The following ROR2 variants were observed in gnomAD, a reference collection of about 807,000 sequenced individuals.
ROR2 encodes tyrosine-protein kinase transmembrane receptor ROR2.
A neutral mutation model predicts 74.9 loss-of-function variants in ROR2; 33 were observed. The observed-to-expected ratio is 0.44, with a 90% CI of 0.33 to 0.59. ROR2 has a LOEUF of 0.59. Ranked by LOEUF, ROR2 falls within the 20% of genes least tolerant of loss-of-function variation. The pLI is 0.02. For missense variants in ROR2, 1,216 were observed against 1,313.8 expected (o/e 0.93, Z 1.15); for synonymous variants, 586 against 558.7 (o/e 1.05, Z -0.69).
intron 6 of ROR2, among the ~76,000 whole-genome samples, chr9:91,731,734 G>A (rs1013818640): frequency 6.6e-6 from 1 of 152,128 alleles, no homozygotes; most frequent in Non-Finnish European, 1.5e-5. Flanking sequence ...GGCCAACATG[G>A]TGAAACTCCG....
rs375498169 is a variant in ROR2, at chr9:91,927,312, T to TC, written c.97+22554dup. ...AGCGGCTTTTGGAAGCTCATCCAAA[T>TC]CCCCAAACCATTACACAGGTAAGTG... On this transcript the variant is annotated intron_variant, in intron 1 of 8. Transcript: ENST00000375708. Among the ~76,000 whole-genome samples the TC allele has an allele frequency of 8.7e-4, 133 of 152,218 alleles. 1 individual carries two copies. Among genetic ancestry groups the TC allele is most frequent in the African/African-American group, 2.9e-3 (121 of 41,528 alleles).
chr9:91,817,922 C>G (rs944275377), intron 1 of ROR2, among the ~76,000 whole-genome samples: 10 of 152,162 alleles, frequency 6.6e-5, no homozygotes, highest in Non-Finnish European at 1.2e-4. Context: ...TATAGCTGTT[C>G]CAGACGATCT....
intron 1 of ROR2, among the ~76,000 whole-genome samples, chr9:91,782,715 G>A (rs58113823): frequency 0.019 from 2,834 of 152,262 alleles, 87 homozygotes; most frequent in African/African-American, 0.065. Flanking sequence ...GCCAGGTCTG[G>A]AGCAGGCTCC....
chr9:91,762,922 C>T (rs1015510220), intron 2 of ROR2, among the ~76,000 whole-genome samples: 1 of 152,086 alleles, frequency 6.6e-6, no homozygotes, highest in Non-Finnish European at 1.5e-5. Context: ...TGTGCATATA[C>T]AAGAGTCTCT....
chr9:91,806,894 T>C (rs1368524590), intron 1 of ROR2, among the ~76,000 whole-genome samples: 1 of 152,164 alleles, frequency 6.6e-6, no homozygotes, highest in Non-Finnish European at 1.5e-5. Context: ...TGGCCGATCA[T>C]ATTGAGTTTT....
intron 8 of ROR2, among the ~76,000 whole-genome samples, chr9:91,726,256 G>A (rs560683771): frequency 9.2e-5 from 14 of 152,314 alleles, no homozygotes; most frequent in African/African-American, 3.1e-4. Flanking sequence ...TGAGGCACCT[G>A]GACAGTGAGG....
intron 1 of ROR2, among the ~76,000 whole-genome samples, chr9:91,944,071 T>C (rs1188008722): frequency 6.6e-6 from 1 of 152,164 alleles, no homozygotes; most frequent in African/African-American, 2.4e-5. Context: ...TTCTGGGAAA[T>C]GTGTCCCTGG....
intron 1 of ROR2, among the ~76,000 whole-genome samples, chr9:91,800,022 A>C (rs750730652): frequency 2.0e-5 from 3 of 152,178 alleles, no homozygotes; most frequent in Non-Finnish European, 2.9e-5. Context: ...ACATTTGTTC[A>C]TTCATAACTC....
chr9:91,754,508 T>G (rs1054977588), intron 4 of ROR2, among the ~76,000 whole-genome samples: 3 of 151,900 alleles, frequency 2.0e-5, no homozygotes, highest in African/African-American at 7.3e-5. Context: ...AATACAAACA[T>G]TAGCCGGGCA....
At chr9:91,748,078 A>G (rs576935280) in intron 4 of ROR2, among the ~76,000 whole-genome samples, 1 of 152,314 alleles carries the variant, frequency 6.6e-6, no homozygotes, top group African/African-American at 2.4e-5. Context: ...CCTGGCCAAT[A>G]TGATGAAACC....
At chr9:91,784,971 G>A (rs1719770258) in intron 1 of ROR2, among the ~76,000 whole-genome samples, 1 of 152,160 alleles carries the variant, frequency 6.6e-6, no homozygotes, top group Non-Finnish European at 1.5e-5. Flanking sequence ...CTCATTAGGT[G>A]GATGAATGAA....
intron 2 of ROR2, among the ~76,000 whole-genome samples, chr9:91,771,160 A>C (rs115398011): frequency 1.3e-5 from 2 of 152,248 alleles, no homozygotes; most frequent in African/African-American, 2.4e-5. Context: ...GGGCAAAGTC[A>C]GGAATCCCCC....
chr9:91,757,579 C>T lies in ROR2; in HGVS notation c.176-20G>A, dbSNP rs763450261. ...AGTAACCTGCCAAGGAGAGCGGTCA[C>T]AAAAGAGCAAGCGTCAGTGAGGGCT... is the stretch of plus-strand genomic sequence containing the variant. On this transcript the variant is annotated intron_variant, in intron 2 of 8. Transcript: ENST00000375708. 1 of 1,610,596 alleles carries T rather than the reference C, an allele frequency of 6.2e-7. No homozygotes were observed. The highest frequency in any genetic ancestry group is 1.7e-5 in the Admixed American group (1 of 59,426).
At chr9:91,922,480 G>A (rs5000045) in intron 1 of ROR2, among the ~76,000 whole-genome samples, 13,198 of 151,364 alleles carry the variant, frequency 0.087, 1,044 homozygotes, top group East Asian at 0.22. Flanking sequence ...TTGAGATGGA[G>A]TCTCACTCTG....
chr9:91,743,630 G>A (rs1037544551), intron 4 of ROR2, among the ~76,000 whole-genome samples: 7 of 151,774 alleles, frequency 4.6e-5, no homozygotes, highest in African/African-American at 1.7e-4. Flanking sequence ...TATCTAACAA[G>A]GACACCACAA....
At chr9:91,726,107 A>G (rs768954290) in intron 8 of ROR2, among the ~76,000 whole-genome samples, 11 of 152,224 alleles carry the variant, frequency 7.2e-5, no homozygotes, top group African/African-American at 1.7e-4. Flanking sequence ...TAGCCTGTCC[A>G]CCTACTCCCA....
At chr9:91,765,413 C>T (rs753651132) in intron 2 of ROR2, among the ~76,000 whole-genome samples, 6 of 152,166 alleles carry the variant, frequency 3.9e-5, no homozygotes, top group African/African-American at 1.4e-4. Flanking sequence ...TCCTGGGCCT[C>T]GACAAGTGTG....
chr9:91,854,215 G>C (rs1829202927), intron 1 of ROR2, among the ~76,000 whole-genome samples: 1 of 152,212 alleles, frequency 6.6e-6, no homozygotes, highest in African/African-American at 2.4e-5. Flanking sequence ...ATTGCTGATA[G>C]CAGGGGGATG....
At chr9:91,816,688 A>AGCCCCCCCCCCCCCCCCCCC (rs1827949792) in intron 1 of ROR2, among the ~76,000 whole-genome samples, 1 of 91,286 alleles carries the variant, frequency 1.1e-5, no homozygotes, top group Non-Finnish European at 2.2e-5. Flanking sequence ...CTTGTTTACC[A>AGCCCCCCCCCCCCCCCCCCC]CCCCCCCACC....
Sources: gnomAD v4.1 joint callset for allele counts (sites outside exome capture counted in the v4.1 genomes callset) on GRCh38, gnomAD v4.1.1 for gene constraint, MANE v1.5 for transcripts, NCBI Gene and HGNC (gene_info 2026-07-23, HGNC 2026-07-21) for gene names.